IMMP2L: variants seen among roughly 807,000 people sequenced by gnomAD.
The protein encoded by IMMP2L is mitochondrial inner membrane protease subunit 2.
Under a neutral mutation model 19.3 loss-of-function variants are expected in IMMP2L, and 18 were observed. The observed-to-expected ratio is 0.93, with a 90% confidence interval of 0.64 to 1.38. The LOEUF is 1.38. Ranked by LOEUF, IMMP2L falls within the 40% of genes most tolerant of loss-of-function variation. The probability of loss-of-function intolerance (pLI) is 0.00; values close to 1 mark genes in which losing one functional copy is unlikely to be tolerated. For missense variants in IMMP2L, 233 were observed against 218.2 expected, an observed-to-expected ratio of 1.07 and a Z score of -0.43; for synonymous variants, 76 against 73.0, an observed-to-expected ratio of 1.04 and a Z score of -0.21.
chr7:110,839,155 A>G (rs560710090), intron 5 of IMMP2L, among the ~76,000 whole-genome samples: 85 of 152,270 alleles, frequency 5.6e-4, no homozygotes, highest in Non-Finnish European at 7.9e-4. Context: ...GATGATTCAC[A>G]GTGAAAATTT....
intron 3 of IMMP2L, among the ~76,000 whole-genome samples, chr7:111,346,707 G>T (rs1261963325): frequency 8.5e-5 from 13 of 152,110 alleles, no homozygotes; most frequent in Non-Finnish European, 1.5e-5. Flanking sequence ...CTAGATTACA[G>T]GTGTGTAGAT....
At chr7:110,683,825 G>A (rs1354592920) in intron 5 of IMMP2L, among the ~76,000 whole-genome samples, 2 of 152,046 alleles carry the variant, frequency 1.3e-5, no homozygotes. Context: ...TATTGACTCT[G>A]TGATTTTTTT....
chr7:110,858,061 A>G (rs1806990619), intron 5 of IMMP2L, among the ~76,000 whole-genome samples: 1 of 152,048 alleles, frequency 6.6e-6, no homozygotes, highest in Non-Finnish European at 1.5e-5. Context: ...CAGTAAGCAA[A>G]TTTGTTTCTG....
At chr7:110,857,051 G>A (rs1806867675) in intron 5 of IMMP2L, among the ~76,000 whole-genome samples, 1 of 152,090 alleles carries the variant, frequency 6.6e-6, no homozygotes, top group African/African-American at 2.4e-5. Flanking sequence ...TATCCTGGCA[G>A]GCATATCTGG....
intron 5 of IMMP2L, among the ~76,000 whole-genome samples, chr7:110,814,474 A>C (rs1310087980): frequency 6.6e-6 from 1 of 151,064 alleles, no homozygotes; most frequent in African/African-American, 2.4e-5. Flanking sequence ...CAGAGTATTA[A>C]TTATTAATAA....
intron 3 of IMMP2L, among the ~76,000 whole-genome samples, chr7:111,196,500 A>G (rs1163121841): frequency 6.6e-6 from 1 of 152,208 alleles, no homozygotes; most frequent in African/African-American, 2.4e-5. Context: ...TCTCATTCAA[A>G]AAGATTATGG....
At chr7:110,664,885 T>G (rs934207731) in intron 5 of IMMP2L, 6 of 152,198 alleles carry the variant, frequency 3.9e-5, no homozygotes, top group Non-Finnish European at 7.3e-5. Context: ...CATAAAACAT[T>G]CCTTTCACTG....
chr7:111,524,301 T>C (rs1846626702), intron 1 of IMMP2L, among the ~76,000 whole-genome samples: 2 of 152,156 alleles, frequency 1.3e-5, no homozygotes, highest in African/African-American at 2.4e-5. Context: ...ATAAAATATC[T>C]GAATCCACAA....
chr7:111,536,825 T>C (rs1847930276), intron 1 of IMMP2L, among the ~76,000 whole-genome samples: 1 of 152,160 alleles, frequency 6.6e-6, no homozygotes, highest in Non-Finnish European at 1.5e-5. Flanking sequence ...GATCCACTAG[T>C]AAAGCAAAAA....
At chr7:111,464,761 T>C (rs1840456263) in intron 3 of IMMP2L, among the ~76,000 whole-genome samples, 1 of 152,112 alleles carries the variant, frequency 6.6e-6, no homozygotes. Context: ...GCTGGGAATA[T>C]ACAAAAAACA....
chr7:110,944,032 C>A (rs571677263), intron 4 of IMMP2L, among the ~76,000 whole-genome samples: 1 of 151,992 alleles, frequency 6.6e-6, no homozygotes, highest in South Asian at 2.1e-4. Context: ...TAAATAGAAT[C>A]ATTTCACAGA....
At chr7:111,264,005 G>A (rs1817584708) in intron 3 of IMMP2L, among the ~76,000 whole-genome samples, 1 of 152,082 alleles carries the variant, frequency 6.6e-6, no homozygotes, top group Admixed American at 6.6e-5. Flanking sequence ...TAATTCCTAA[G>A]GTTCTGGCTA....
chr7:111,153,497 C>G (rs980039708), intron 3 of IMMP2L, among the ~76,000 whole-genome samples: 2 of 151,974 alleles, frequency 1.3e-5, no homozygotes, highest in African/African-American at 4.8e-5. Flanking sequence ...ATAAACTAAA[C>G]TGGGCCTATC....
intron 3 of IMMP2L, among the ~76,000 whole-genome samples, chr7:111,410,611 CA>C: frequency 6.7e-6 from 1 of 150,036 alleles, no homozygotes; most frequent in East Asian, 1.9e-4. Context: ...ATCCAATTAA[CA>C]AAGATAACAA....
intron 3 of IMMP2L, among the ~76,000 whole-genome samples, chr7:111,212,056 T>C (rs111328959): frequency 2.6e-5 from 4 of 152,208 alleles, no homozygotes; most frequent in African/African-American, 9.6e-5. Flanking sequence ...TTCTATACTA[T>C]AAACGAAACT....
intron 4 of IMMP2L, among the ~76,000 whole-genome samples, chr7:110,913,448 C>T: frequency 6.6e-6 from 1 of 150,396 alleles, no homozygotes; most frequent in Non-Finnish European, 1.5e-5. Flanking sequence ...TCATACAACT[C>T]AATAGCAAAA....
intron 5 of IMMP2L, among the ~76,000 whole-genome samples, chr7:110,669,097 A>G (rs1160560929): frequency 2.8e-5 from 4 of 141,084 alleles, no homozygotes; most frequent in African/African-American, 8.5e-5. Flanking sequence ...GTGTATATGT[A>G]TATATATATA....
At chr7:111,067,255 G>A (rs1794591542) in intron 3 of IMMP2L, among the ~76,000 whole-genome samples, 1 of 152,194 alleles carries the variant, frequency 6.6e-6, no homozygotes, top group Non-Finnish European at 1.5e-5. Flanking sequence ...GATGAAATCA[G>A]TATCAAAGGA....
intron 1 of IMMP2L, among the ~76,000 whole-genome samples, chr7:111,548,044 A>G (rs755893840): frequency 7.2e-5 from 11 of 152,028 alleles, no homozygotes; most frequent in Non-Finnish European, 1.5e-4. Context: ...AACAGATGAC[A>G]TTAAATGTCC....
Sources: allele counts gnomAD v4.1 joint callset (sites outside exome capture counted in the v4.1 genomes callset), GRCh38; gene constraint gnomAD v4.1.1; transcripts MANE v1.5; gene names NCBI Gene and HGNC (gene_info 2026-07-23, HGNC 2026-07-21).